Variants in PKM observed in about 807,000 individuals in gnomAD.
PKM encodes pyruvate kinase M1/2.
A neutral mutation model predicts 49.8 loss-of-function variants in PKM; 18 were observed. The observed-to-expected ratio is 0.36, with a 90% confidence interval of 0.25 to 0.54. PKM has a LOEUF of 0.54. PKM is among the 20% of genes least tolerant of loss of function. PKM has a pLI of 0.89. For missense variants in PKM, 508 were observed against 713.8 expected, an observed-to-expected ratio of 0.71 and a Z score of 3.28; for synonymous variants, 239 against 261.8, an observed-to-expected ratio of 0.91 and a Z score of 0.84.
At chr15:72,206,634 G>A (rs2082085503) in intron 8 of PKM, 94 bp downstream of exon 8, 2 of 1,241,082 alleles carry the variant, frequency 1.6e-6, no homozygotes, top group Non-Finnish European at 2.4e-6. Flanking sequence ...GTGCATAAGA[G>A]GATGGAGAAA....
intron 3 of PKM, among the ~76,000 whole-genome samples, chr15:72,212,308 CAACTT>C (rs1263861901): frequency 6.6e-6 from 1 of 151,994 alleles, no homozygotes; most frequent in Non-Finnish European, 1.5e-5. Context: ...AACCTCGTCT[CAACTT>C]AAAATACAAA....
chr15:72,213,376 T>C (rs1474998987), intron 3 of PKM, among the ~76,000 whole-genome samples: 1 of 152,186 alleles, frequency 6.6e-6, no homozygotes, highest in Non-Finnish European at 1.5e-5. Context: ...AGTTTAACAA[T>C]GTAACTGAAC....
chr15:72,227,744 C>CAAAAAAAAAAAAAAAAAAAAAAAAAAA (rs34876633), intron 1 of PKM, among the ~76,000 whole-genome samples: 1 of 10,796 alleles, frequency 9.3e-5, no homozygotes, highest in African/African-American at 3.0e-4. Context: ...AAAACTATCT[C>CAAAAAAAAAAAAAAAAAAAAAAAAAAA]AAAAAAAAAA....
Position 72,228,443 on chromosome 15 carries a change from T to C in PKM, c.-14+2673A>G, listed in dbSNP as rs2082747444. 3 of 256,368 alleles carry C rather than the reference T, an allele frequency of 1.2e-5. No homozygotes were observed. In the Admixed American group the frequency reaches 1.4e-4, roughly 12 times the overall value. The allele number at this position is 256,368 out of a possible 1,614,324, so 15.9% of individuals were successfully genotyped here. On this transcript the variant is annotated intron_variant, in intron 1 of 10. Transcript: ENST00000335181. The stretch of plus-strand genomic sequence containing the variant: ...CCCAGGCTGGAGTGCAGTGGCGCGA[T>C]CTCGGCTCACTGCAAGCTCCGTAGT...
At position 72,202,654 on chromosome 15, in the gene PKM, G is replaced by C. The variant is rs750030773; in HGVS notation, c.1141-34C>G. ...GCAACATCCGTCCAGAGGGACGAGAGGGGGACAGAGCTTTGTCAGAGCTTT... is the reference window on the plus strand; with the variant it reads ...GCAACATCCGTCCAGAGGGACGAGACGGGGACAGAGCTTTGTCAGAGCTTT... On this transcript the variant is annotated intron_variant, in intron 8 of 10. Transcript: ENST00000335181. This position sits in a 1 kb window ranked among gnomAD's most constrained non-coding sequence, Gnocchi z 4.5. 6.3e-7 allele frequency: 1 copy of C among 1,585,204 alleles called. No homozygotes were observed. The highest frequency in any genetic ancestry group is 8.6e-7 in the Non-Finnish European group (1 of 1,158,538).
At chr15:72,216,693 A>C (rs1289715340) in intron 3 of PKM, among the ~76,000 whole-genome samples, 3 of 152,210 alleles carry the variant, frequency 2.0e-5, no homozygotes, top group South Asian at 4.1e-4. Flanking sequence ...GTTAATTCTA[A>C]ATCTGGCAAT....
At position 72,202,388 on chromosome 15, in the gene PKM, T is replaced by A; in HGVS notation, c.1307+66A>T. 6.7e-7 allele frequency: 1 copy of A among 1,503,524 alleles called. No individual in the cohort carries two copies. Among genetic ancestry groups the A allele is most frequent in the Non-Finnish European group, 9.1e-7 (1 of 1,095,660 alleles). 93.1% of individuals were successfully genotyped at this position (1,503,524 alleles called of 1,614,324 possible). A position where few individuals can be genotyped will look rare whatever the true frequency, so the allele number is the denominator to read the frequency against. On this transcript the variant is annotated intron_variant, in intron 9 of 10. Transcript: ENST00000335181. The surrounding 1 kb of genome is among the most constrained non-coding windows in gnomAD (Gnocchi z 4.5). The stretch of plus-strand genomic sequence containing the variant: ...ACCTGAGCATTGTTCAATGGACTGC[T>A]CCCAGGACCCCCAAGGTGAGGTACC...
chr15:72,199,839 C>A lies in PKM; in HGVS notation c.1490-83G>T, dbSNP rs541616543. 4.8e-6 allele frequency: 4 copies of A among 836,126 alleles called. No homozygotes were observed. The Admixed American group carries it at 7.9e-5, about 17-fold the overall frequency. 51.8% of individuals were successfully genotyped at this position (836,126 alleles called of 1,614,324 possible). On this transcript the variant is annotated intron_variant, in intron 10 of 10. Transcript: ENST00000335181. ...GGGCAGCTGCCCCATAGCCTGAGTACTGAACTAGGCTGGCTGACCACTACT... is the reference window on the plus strand; with the variant it reads ...GGGCAGCTGCCCCATAGCCTGAGTAATGAACTAGGCTGGCTGACCACTACT...
intron 1 of PKM, among the ~76,000 whole-genome samples, chr15:72,223,328 T>C (rs548674754): frequency 3.9e-4 from 60 of 152,326 alleles, no homozygotes; most frequent in Non-Finnish European, 1.3e-4. Context: ...TAAGTCATTT[T>C]TCCTTTGTAC....
At chr15:72,231,000 G>T in intron 1 of PKM, 116 bp downstream of exon 1, 1 of 1,270,448 alleles carries the variant, frequency 7.9e-7, no homozygotes, top group Non-Finnish European at 1.0e-6. Flanking sequence ...CAGACGCCCT[G>T]GATCCTGCGC....
intron 1 of PKM, 163 bp from the exon 2 acceptor site, chr15:72,219,273 T>C: frequency 1.1e-5 from 7 of 634,458 alleles, no homozygotes; most frequent in Non-Finnish European, 2.7e-6. Context: ...GTGCTCCTCA[T>C]GTTAGAAAAA....
intron 1 of PKM, chr15:72,221,313 T>C (rs1020881250): frequency 5.8e-6 from 8 of 1,376,476 alleles, no homozygotes; most frequent in Non-Finnish European, 8.0e-6. Flanking sequence ...AAAAGCTGAG[T>C]GTAACTAAAG....
At chr15:72,229,400 A>G (rs1279123710) in intron 1 of PKM, 7 of 393,272 alleles carry the variant, frequency 1.8e-5, no homozygotes, top group Admixed American at 1.5e-4. Flanking sequence ...TAATGAGTCA[A>G]ACCTGATTCT....
intron 1 of PKM, chr15:72,228,702 C>G: frequency 9.2e-7 from 1 of 1,089,270 alleles, no homozygotes; most frequent in Non-Finnish European, 1.2e-6. Flanking sequence ...CAGCCCACTC[C>G]TGCCCCCACA....
At chr15:72,212,221 C>T (rs1019297291) in intron 3 of PKM, among the ~76,000 whole-genome samples, 6 of 151,990 alleles carry the variant, frequency 3.9e-5, no homozygotes, top group African/African-American at 1.5e-4. Flanking sequence ...TCACACCTGT[C>T]ATCTAAACAC....
At chr15:72,205,579 T>C (rs1044291535) in intron 8 of PKM, among the ~76,000 whole-genome samples, 4 of 150,924 alleles carry the variant, frequency 2.7e-5, no homozygotes, top group African/African-American at 7.3e-5. Flanking sequence ...ACAGGATACA[T>C]AGTGAAAAAG....
chr15:72,224,534 A>C (rs2082610000), intron 1 of PKM, among the ~76,000 whole-genome samples: 1 of 152,180 alleles, frequency 6.6e-6, no homozygotes, highest in African/African-American at 2.4e-5. Context: ...AAAAGTTTTA[A>C]CATCTGCCTC....
Position 72,207,223 on chromosome 15 carries a change from T to G in PKM, c.891A>C (p.Leu297=), listed in dbSNP as rs774075464. The part of the protein sequence containing the change: ...SDGIMVARGD[L]GIEIPAEKVF... ...CCTTCTCTGCAGGAATCTCAATGCCTAGATCACCACGAGCCACCATGATCC... is the reference window on the plus strand; with the variant it reads ...CCTTCTCTGCAGGAATCTCAATGCCGAGATCACCACGAGCCACCATGATCC... Residue 297 remains leucine, a synonymous_variant, in exon 7 of 11, where the codon CTA becomes CTC. Transcript: ENST00000335181. The G allele has an allele frequency of 1.2e-6, 2 of 1,613,954 alleles. No homozygotes were observed. The highest frequency in any genetic ancestry group is 2.7e-5 in the African/African-American group (2 of 74,918).
At chr15:72,227,496 G>A (rs1417218988) in intron 1 of PKM, among the ~76,000 whole-genome samples, 1 of 152,156 alleles carries the variant, frequency 6.6e-6, no homozygotes, top group Non-Finnish European at 1.5e-5. Context: ...CGTAATCCCG[G>A]CACTTTGGGA....
Sources: gnomAD v4.1 joint callset for allele counts (sites outside exome capture counted in the v4.1 genomes callset) on GRCh38, gnomAD v4.1.1 for gene constraint, Gnocchi (gnomAD v3.1) non-coding constraint, MANE v1.5 for transcripts, NCBI Gene and HGNC (gene_info 2026-07-23, HGNC 2026-07-21) for gene names.